The following AKNAD1 variants were observed in gnomAD, a reference collection of about 807,000 sequenced individuals.
The protein encoded by AKNAD1 is AKNA domain containing 1.
In AKNAD1, 67 loss-of-function variants were observed where a neutral mutation model predicts 90.8. The ratio of observed to expected loss-of-function variants is 0.74; its 90% CI spans 0.61 to 0.90. AKNAD1 has a LOEUF of 0.90. Ranked by LOEUF, AKNAD1 falls within the 40% of genes least tolerant of loss-of-function variation. The pLI, the probability that AKNAD1 is intolerant of heterozygous loss-of-function variation, is 0.00. For synonymous variants in AKNAD1, 327 were observed against 341.4 expected (o/e 0.96, Z 0.46); for missense variants, 957 against 975.4 (o/e 0.98, Z 0.25).
Position 108,823,603 on chromosome 1 carries a change from A to G in AKNAD1, c.2022T>C (p.Pro674=), listed in dbSNP as rs1179873034. 3 of 1,614,064 alleles carry G rather than the reference A, an allele frequency of 1.9e-6. No individual in the cohort carries two copies. The South Asian group carries it at 3.3e-5, about 18-fold the overall frequency. ...NKCQDCGTKI[P]TSRRACRKEP... Reference sequence around the variant, plus strand: ...CTTTCCTGCAGGCTCTTCGGGAGGTAGGAATCTTAGTGCCACAGTCCTGAC... The same window carrying G: ...CTTTCCTGCAGGCTCTTCGGGAGGTGGGAATCTTAGTGCCACAGTCCTGAC... Residue 674 remains proline (P), a synonymous_variant, in exon 12 of 16, where the codon CCT becomes CCC. Coordinates refer to ENST00000370001, the MANE Select transcript of AKNAD1 (RefSeq NM_152763.5).
intron 6 of AKNAD1, 99 bp downstream of exon 6, chr1:108,843,035 A>T: frequency 1.4e-6 from 2 of 1,462,482 alleles, no homozygotes; most frequent in Non-Finnish European, 1.9e-6. Flanking sequence ...ACCCTAGACC[A>T]GTGGCTCTCC....
At chr1:108,847,294 A>G (rs1570824334) in intron 5 of AKNAD1, among the ~76,000 whole-genome samples, 1 of 152,026 alleles carries the variant, frequency 6.6e-6, no homozygotes, top group East Asian at 1.9e-4. Flanking sequence ...CTAAAAATAC[A>G]AAAATTAGCC....
At chr1:108,820,434 C>T in intron 14 of AKNAD1, 111 bp downstream of exon 14, 1 of 678,452 alleles carries the variant, frequency 1.5e-6, no homozygotes, top group South Asian at 2.0e-5. Context: ...CCTGGCTCTA[C>T]TCCTAATCAT....
At chr1:108,828,409 A>G (rs936252719) in intron 10 of AKNAD1, among the ~76,000 whole-genome samples, 1 of 151,762 alleles carries the variant, frequency 6.6e-6, no homozygotes, top group Non-Finnish European at 1.5e-5. Flanking sequence ...AAGGAATTCG[A>G]ATTAATAACA....
intron 6 of AKNAD1, among the ~76,000 whole-genome samples, chr1:108,840,556 G>GTTT (rs1355221800): frequency 4.6e-5 from 7 of 152,120 alleles, no homozygotes; most frequent in Non-Finnish European, 1.0e-4. Context: ...GAGTGTATAA[G>GTTT]AATAGCTATA....
At position 108,843,141 on chromosome 1, in the gene AKNAD1, G is replaced by C; in HGVS notation, c.1372C>G (p.Pro458Ala). The C allele has an allele frequency of 6.2e-7, 1 of 1,613,976 alleles. No homozygotes were observed. The highest frequency in any genetic ancestry group is 8.5e-7 in the Non-Finnish European group (1 of 1,179,976). ...HESTIVGDFD[P>A]ERKVEGEIFK... ...AGTTGGTTTAAATCTGACCTTTCTGGATCAAAGTCACCAACGATTGTTGAT... is the reference window on the plus strand; with the variant it reads ...AGTTGGTTTAAATCTGACCTTTCTGCATCAAAGTCACCAACGATTGTTGAT... The change falls in exon 6 of 16, where the codon CCA (proline) becomes GCA (alanine). Residue 458 changes from proline (P) to alanine (A), a missense_variant. Pro to Ala is a conservative substitution (Grantham distance 27, BLOSUM62 -1). Coordinates refer to ENST00000370001, the MANE Select transcript of AKNAD1 (RefSeq NM_152763.5).
chr1:108,855,407 G>A (rs893593767), intron 1 of AKNAD1, among the ~76,000 whole-genome samples: 5 of 150,940 alleles, frequency 3.3e-5, no homozygotes, highest in South Asian at 4.2e-4. Flanking sequence ...GTGAAACTCC[G>A]TCTCAAAACA....
chr1:108,818,651 G>T (rs1663707988), intron 14 of AKNAD1, among the ~76,000 whole-genome samples: 1 of 151,996 alleles, frequency 6.6e-6, no homozygotes, highest in Non-Finnish European at 1.5e-5. Context: ...CCTGCCCAAG[G>T]ACACAGAACC....
At chr1:108,821,334 C>A (rs12097711) in intron 13 of AKNAD1, among the ~76,000 whole-genome samples, 1,696 of 151,928 alleles carry the variant, frequency 0.011, 36 homozygotes, top group African/African-American at 0.039. Flanking sequence ...GCCTGTAATC[C>A]CAGCTACTTG....
intron 10 of AKNAD1, among the ~76,000 whole-genome samples, chr1:108,829,539 G>C (rs1178383255): frequency 2.6e-5 from 4 of 152,176 alleles, no homozygotes; most frequent in Non-Finnish European, 5.9e-5. Context: ...TTGGATTAAA[G>C]GGCAGCTCAA....
Position 108,852,510 on chromosome 1 carries a change from T to A in AKNAD1, c.155A>T (p.Asp52Val). The change falls in exon 2 of 16, where the codon GAT becomes GTT. Residue 52 changes from aspartate (D) to valine (V), a missense_variant. Physicochemically the swap from Asp to Val is radical, Grantham distance 152. Transcript: ENST00000370001. ...ATGCATAGCCTTCTCTTGAGGGTCATCTGCTATGAAAATAATTTGATTTAA... is the reference window on the plus strand; with the variant it reads ...ATGCATAGCCTTCTCTTGAGGGTCAACTGCTATGAAAATAATTTGATTTAA... ...EVLNQIIFIA[D>V]DPQEKAMHSE... The A allele has an allele frequency of 6.2e-7, 1 of 1,614,184 alleles. No individual in the cohort carries two copies. Among genetic ancestry groups the A allele is most frequent in the Non-Finnish European group, 8.5e-7 (1 of 1,180,010 alleles).
chr1:108,819,269 T>C (rs1663732580), intron 14 of AKNAD1, among the ~76,000 whole-genome samples: 1 of 151,954 alleles, frequency 6.6e-6, no homozygotes, highest in Non-Finnish European at 1.5e-5. Context: ...ACTCCTTCAG[T>C]AGCTAGACTG....
At position 108,834,449 on chromosome 1, in the gene AKNAD1, C is replaced by G. The variant is rs769266154; in HGVS notation, c.1744G>C (p.Gly582Arg). 2 of 1,608,228 alleles carry G rather than the reference C, an allele frequency of 1.2e-6. No individual in the cohort carries two copies. Among genetic ancestry groups the G allele is most frequent in the Non-Finnish European group, 1.7e-6 (2 of 1,177,348 alleles). Residue 582 changes from glycine (G) to arginine (R), a missense_variant and splice_region_variant, in exon 9 of 16, where the codon GGG becomes CGG. Gly to Arg is a moderately radical substitution (Grantham distance 125, BLOSUM62 -2). Coordinates refer to ENST00000370001, the MANE Select transcript of AKNAD1 (RefSeq NM_152763.5). ...QVAMRLSSNSGEDPNGTPRRQ... is the reference protein window; with the variant it reads ...QVAMRLSSNSREDPNGTPRRQ... ...AGGCCCCGGCTGCAGGACATTACCC[C>G]AGAGTTAGAAGACAGCCTCATGGCC...
At chr1:108,837,912 T>C (rs150458261) in intron 6 of AKNAD1, among the ~76,000 whole-genome samples, 2 of 152,324 alleles carry the variant, frequency 1.3e-5, no homozygotes, top group East Asian at 3.9e-4. Context: ...TAGCTGCGTA[T>C]CCTTGTATAA....
intron 5 of AKNAD1, among the ~76,000 whole-genome samples, chr1:108,847,568 T>C (rs1460255209): frequency 7.0e-6 from 1 of 142,978 alleles, no homozygotes; most frequent in Non-Finnish European, 1.5e-5. Flanking sequence ...CCCACCCCCA[T>C]GTCACCACGT....
chr1:108,823,722 A>G (rs750511664), intron 11 of AKNAD1, 34 bp from the exon 12 acceptor site: 10 of 1,613,760 alleles, frequency 6.2e-6, no homozygotes, highest in Non-Finnish European at 6.8e-6. Flanking sequence ...ATGAAGGGTA[A>G]GTGTCTTGAT....
chr1:108,820,408 AG>A, intron 14 of AKNAD1, 136 bp downstream of exon 14: 1 of 568,338 alleles, frequency 1.8e-6, no homozygotes. Flanking sequence ...AGGATTAGAT[AG>A]GTTTAGGTTT....
At chr1:108,833,738 T>C (rs1664285159) in intron 9 of AKNAD1, among the ~76,000 whole-genome samples, 1 of 151,446 alleles carries the variant, frequency 6.6e-6, no homozygotes, top group East Asian at 1.9e-4. Flanking sequence ...TTTTTTTTAA[T>C]TTTTATATTT....
intron 13 of AKNAD1, among the ~76,000 whole-genome samples, chr1:108,821,063 G>A (rs1190679784): frequency 6.6e-6 from 1 of 152,010 alleles, no homozygotes; most frequent in Non-Finnish European, 1.5e-5. Context: ...CTCCAGCCTG[G>A]GCGACAGAGC....
Sources: allele counts gnomAD v4.1 joint callset (sites outside exome capture counted in the v4.1 genomes callset), GRCh38; gene constraint gnomAD v4.1.1; transcripts MANE v1.5; gene names NCBI Gene and HGNC (gene_info 2026-07-23, HGNC 2026-07-21).